Variants in ACSL1 observed in about 807,000 individuals in gnomAD.
ACSL1 encodes the protein acyl-CoA synthetase long chain family member 1, also known as long-chain-fatty-acid--CoA ligase 1.
ACSL1 carries 41 observed loss-of-function variants against 98.4 expected under a neutral mutation model. That is an observed-to-expected ratio of 0.42 (90% confidence interval 0.32 to 0.54). The LOEUF is 0.54. Among genes scored for constraint, ACSL1 ranks in the 20% least tolerant of loss-of-function variants. ACSL1 has a pLI of 0.13. For synonymous variants in ACSL1, 316 were observed against 322.7 expected (o/e 0.98, Z 0.22); for missense variants, 734 against 883.1 (o/e 0.83, Z 2.14).
At chr4:184,822,194 C>A (rs6853210) in intron 1 of ACSL1, among the ~76,000 whole-genome samples, 1 of 151,656 alleles carries the variant, frequency 6.6e-6, no homozygotes, top group African/African-American at 2.4e-5. Context: ...GGGTCTTGCT[C>A]TGTTGCCCAG....
chr4:184,776,535 C>T lies in ACSL1; in HGVS notation c.705G>A (p.Val235=). The part of the protein sequence containing the change: ...VVMDAYGSEL[V]ERGQRCGVEV... ...CCACCCCACACCTCTGGCCTCGTTC[C>T]ACCAGTTCACTGCCGTAGGCATCCA... The change falls in exon 7 of 21, where the codon GTG becomes GTA. Residue 235 remains valine, a synonymous_variant. Coordinates refer to ENST00000281455, the MANE Select transcript of ACSL1 (RefSeq NM_001995.5). 1.2e-5 allele frequency: 19 copies of T among 1,614,162 alleles called. No homozygotes were observed. The highest frequency in any genetic ancestry group is 1.5e-5 in the Non-Finnish European group (18 of 1,179,986).
intron 10 of ACSL1, 127 bp from the exon 11 acceptor site, chr4:184,770,603 G>A (rs1251691069): frequency 1.4e-6 from 1 of 698,662 alleles, no homozygotes; most frequent in African/African-American, 1.8e-5. Flanking sequence ...TATACCTAAT[G>A]CTAAATGACA....
chr4:184,766,877 C>T lies in ACSL1; in HGVS notation c.1129-121G>A. 8.5e-7 allele frequency: 1 copy of T among 1,177,944 alleles called. No individual in the cohort carries two copies. Among genetic ancestry groups the T allele is most frequent in the African/African-American group, 1.5e-5 (1 of 64,880 alleles). 73.0% of individuals were successfully genotyped at this position (1,177,944 alleles called of 1,614,324 possible). A position where few individuals can be genotyped will look rare whatever the true frequency, so the allele number is the denominator to read the frequency against. ...ACACAAAATGGCACAGCTGCTCTGA[C>T]AGCCTGGCCGGTCCTCTAACGGCCC... On this transcript the variant is annotated intron_variant, in intron 12 of 20. Coordinates refer to ENST00000281455, the MANE Select transcript of ACSL1 (RefSeq NM_001995.5). The surrounding 1 kb of genome is among the most constrained non-coding windows in gnomAD (Gnocchi z 4.8).
At chr4:184,786,985 C>G (rs892817303) in intron 3 of ACSL1, among the ~76,000 whole-genome samples, 20 of 152,140 alleles carry the variant, frequency 1.3e-4, no homozygotes, top group Admixed American at 1.3e-3. Context: ...AGCCACCATG[C>G]CCGGCCAATA....
chr4:184,770,816 T>C (rs1033444242), intron 10 of ACSL1, among the ~76,000 whole-genome samples: 2 of 152,218 alleles, frequency 1.3e-5, no homozygotes, highest in Non-Finnish European at 2.9e-5. Flanking sequence ...CTGCAATTTC[T>C]TCTCACCAAA....
chr4:184,767,432 TGA>T (rs1259530145), intron 12 of ACSL1, among the ~76,000 whole-genome samples: 2 of 152,058 alleles, frequency 1.3e-5, no homozygotes, highest in Non-Finnish European at 2.9e-5. Context: ...ACATATGGCA[TGA>T]TTCCATCCAC....
In ACSL1 at chr4:184,776,633, G is replaced by A. The variant is rs1287712332; in HGVS notation, c.607C>T (p.Pro203Ser). 1 of 1,612,246 alleles carries A rather than the reference G, an allele frequency of 6.2e-7. No individual in the cohort carries two copies. Among genetic ancestry groups the A allele is most frequent in the African/African-American group, 1.3e-5 (1 of 74,882 alleles). The part of the protein sequence containing the change: ...AELSLVFVDK[P>S]EKAKLLLEGV... The stretch of plus-strand genomic sequence containing the variant: ...TCTAATAAGAGTTTGGCCTTCTCTG[G>A]CTTGTCAACAAAAACCAGAGAGAGT... Residue 203 changes from proline to serine, a missense_variant, in exon 7 of 21, where the codon CCA becomes TCA. Pro to Ser is a moderately conservative substitution (Grantham distance 74, BLOSUM62 -1). Transcript: ENST00000281455.
intron 2 of ACSL1, among the ~76,000 whole-genome samples, chr4:184,794,867 T>C (rs1310317906): frequency 2.0e-5 from 3 of 152,120 alleles, no homozygotes; most frequent in Admixed American, 6.5e-5. Flanking sequence ...CAGAACCTTT[T>C]TTCTTTTCAT....
chr4:184,772,987 T>G lies in ACSL1; in HGVS notation c.915+94A>C. The G allele has an allele frequency of 8.4e-6, 10 of 1,187,200 alleles. No individual in the cohort carries two copies. The South Asian group carries it at 1.3e-4, about 16-fold the overall frequency. 73.5% of individuals were successfully genotyped at this position (1,187,200 alleles called of 1,614,324 possible). A position where few individuals can be genotyped will look rare whatever the true frequency, so the allele number is the denominator to read the frequency against. On this transcript the variant is annotated intron_variant, in intron 10 of 20. Coordinates refer to ENST00000281455, the MANE Select transcript of ACSL1 (RefSeq NM_001995.5). ...TGTCACATCGTTTCTAAATGCCACATGGACCTAACACACTGGTGCCCACCT... is the reference window on the plus strand; with the variant it reads ...TGTCACATCGTTTCTAAATGCCACAGGGACCTAACACACTGGTGCCCACCT...
chr4:184,764,421 G>C (rs770267641), intron 15 of ACSL1, among the ~76,000 whole-genome samples: 1 of 152,138 alleles, frequency 6.6e-6, no homozygotes, highest in African/African-American at 2.4e-5. Flanking sequence ...TGAGAAAAAG[G>C]ACTTGTATTT....
In ACSL1 at chr4:184,773,243, C is replaced by T; in HGVS notation, c.842-89G>A. ...CCTCACATAATTAGGGCTTCAGACA[C>T]CTCTACTGTTAGATATATCGTGAAA... On this transcript the variant is annotated intron_variant, in intron 9 of 20. Coordinates refer to ENST00000281455, the MANE Select transcript of ACSL1 (RefSeq NM_001995.5). The surrounding 1 kb of genome is among the most constrained non-coding windows in gnomAD (Gnocchi z 4.3). 1.7e-6 allele frequency: 2 copies of T among 1,171,402 alleles called. No individual in the cohort carries two copies. Among genetic ancestry groups the T allele is most frequent in the Admixed American group, 3.9e-5 (2 of 50,638 alleles). The allele number at this position is 1,171,402 out of a possible 1,614,324, so 72.6% of individuals were successfully genotyped here.
chr4:184,811,403 C>T lies in ACSL1; in HGVS notation c.-32-7857G>A, dbSNP rs138186219. ...CTGGGATTACAGGTGTGAGCCACCG[C>T]GCCCAGCTGCACAATGCTTTAAGAG... is the stretch of plus-strand genomic sequence containing the variant. On this transcript the variant is annotated intron_variant, in intron 1 of 20. Transcript: ENST00000281455. Among the ~76,000 whole-genome samples, 125 of 152,184 alleles carry T rather than the reference C, an allele frequency of 8.2e-4. 1 individual carries two copies. The highest frequency in any genetic ancestry group is 5.4e-3 in the South Asian group (26 of 4,816).
chr4:184,825,103 T>C lies in ACSL1; in HGVS notation c.-33+813A>G, dbSNP rs67824824. The C allele has an allele frequency of 0.52, 461,446 of 888,186 alleles. 123,651 individuals carry two copies. Among genetic ancestry groups the C allele is most frequent in the South Asian group, 0.57 (11,085 of 19,296 alleles). The allele number at this position is 888,186 out of a possible 1,614,324, so 55.0% of individuals were successfully genotyped here. Reference sequence around the variant, plus strand: ...CGCTTTTAGAATGGTCACTCTTAATTATGCTCCATAACCTTGAAATTGGAC... The same window carrying C: ...CGCTTTTAGAATGGTCACTCTTAATCATGCTCCATAACCTTGAAATTGGAC... On this transcript the variant is annotated intron_variant, in intron 1 of 20. Transcript: ENST00000281455. This position sits in a 1 kb window ranked among gnomAD's most constrained non-coding sequence, Gnocchi z 4.7.
In ACSL1 at chr4:184,756,086, A is replaced by C. The variant is rs1419814457; in HGVS notation, c.*1039T>G. ...TTGCTTATTACTGTCCATTTCAATA[A>C]GTACTCAAGTATATACTCCCTTAAT... On this transcript the variant is annotated 3_prime_UTR_variant, in exon 21 of 21. Coordinates refer to ENST00000281455, the MANE Select transcript of ACSL1 (RefSeq NM_001995.5). 2.6e-5 allele frequency: 4 copies of C among 152,416 alleles called. No individual in the cohort carries two copies. The East Asian group carries it at 7.7e-4, about 29-fold the overall frequency. 9.4% of individuals were successfully genotyped at this position (152,416 alleles called of 1,614,324 possible).
chr4:184,826,058 G>A (rs1038473943), upstream of ACSL1: 5 of 146,288 alleles, frequency 3.4e-5, no homozygotes, highest in African/African-American at 1.2e-4. Context: ...CCGCGGCTGA[G>A]CCAGGATGCT....
chr4:184,768,324 A>C lies in ACSL1; in HGVS notation c.1120T>G (p.Phe374Val), dbSNP rs749673977. The C allele has an allele frequency of 6.2e-7, 1 of 1,611,742 alleles. No homozygotes were observed. The highest frequency in any genetic ancestry group is 2.2e-5 in the East Asian group (1 of 44,854). The change falls in exon 12 of 21, where the codon TTT (phenylalanine) becomes GTT (valine). Residue 374 changes from phenylalanine (F) to valine (V), a missense_variant. Physicochemically the swap from Phe to Val is conservative, Grantham distance 50. Coordinates refer to ENST00000281455, the MANE Select transcript of ACSL1 (RefSeq NM_001995.5). ...CGCTGCTTGGAACTTACTCGGTCAA[A>C]CATCCGGTTCAGCAGTCTTGGAACC... The part of the protein sequence containing the change: ...PVVPRLLNRM[F>V]DRIFGQANTT...
chr4:184,820,150 T>C (rs1772946500), intron 1 of ACSL1, among the ~76,000 whole-genome samples: 1 of 152,162 alleles, frequency 6.6e-6, no homozygotes, highest in Non-Finnish European at 1.5e-5. Flanking sequence ...CCCAAGTAGC[T>C]GGGACTACAG....
intron 4 of ACSL1, among the ~76,000 whole-genome samples, chr4:184,782,804 G>T (rs1766532995): frequency 6.6e-6 from 1 of 152,154 alleles, no homozygotes; most frequent in African/African-American, 2.4e-5. Context: ...AAAGCCTTCT[G>T]CATCCTGTCG....
chr4:184,783,677 T>TA (rs2150359261), intron 4 of ACSL1, among the ~76,000 whole-genome samples: 1 of 152,344 alleles, frequency 6.6e-6, no homozygotes, highest in African/African-American at 2.4e-5. Flanking sequence ...TCTTAAAAAT[T>TA]ATACTTGACT....
Sources: gnomAD v4.1 joint callset for allele counts (sites outside exome capture counted in the v4.1 genomes callset) on GRCh38, gnomAD v4.1.1 for gene constraint, Gnocchi (gnomAD v3.1) non-coding constraint, MANE v1.5 for transcripts, NCBI Gene and HGNC (gene_info 2026-07-23, HGNC 2026-07-21) for gene names.